Variants in CYP2C19 observed in about 807,000 individuals in gnomAD.
The protein encoded by CYP2C19 is cytochrome P450 2C19.
CYP2C19 carries 59 observed loss-of-function variants against 40.9 expected under a neutral mutation model. That is an observed-to-expected ratio of 1.44 (90% CI 1.17 to 1.79). The LOEUF is 1.79. CYP2C19 is among the 40% of genes most tolerant of loss of function. The probability of loss-of-function intolerance (pLI) is 0.00; values close to 1 mark genes in which losing one functional copy is unlikely to be tolerated. For synonymous variants in CYP2C19, 253 were observed against 208.7 expected, an observed-to-expected ratio of 1.21 and a Z score of -1.83; for missense variants, 754 against 596.9, an observed-to-expected ratio of 1.26 and a Z score of -2.74.
At position 94,803,181 on chromosome 10, in the gene CYP2C19, G is replaced by A. The variant is rs551711078; in HGVS notation, c.820-17315G>A. 4.6e-5 allele frequency among the ~76,000 whole-genome samples: 7 copies of A among 152,226 alleles called. No individual in the cohort carries two copies. The South Asian group carries it at 6.2e-4, about 14-fold the overall frequency. ...TGCTGGTTTCTTCTTATTTGGAGAGGCAACCCCTTCTGATTTTTGAATTTT... is the reference window on the plus strand; with the variant it reads ...TGCTGGTTTCTTCTTATTTGGAGAGACAACCCCTTCTGATTTTTGAATTTT... On this transcript the variant is annotated intron_variant, in intron 5 of 8. Coordinates refer to ENST00000371321, the MANE Select transcript of CYP2C19 (RefSeq NM_000769.4).
At chr10:94,778,115 T>C (rs1848434628) in intron 3 of CYP2C19, among the ~76,000 whole-genome samples, 1 of 152,138 alleles carries the variant, frequency 6.6e-6, no homozygotes. Flanking sequence ...GAGCTGCATG[T>C]TTTTATTCAG....
At chr10:94,769,056 T>C (rs1173154178) in intron 1 of CYP2C19, among the ~76,000 whole-genome samples, 1 of 152,150 alleles carries the variant, frequency 6.6e-6, no homozygotes, top group Non-Finnish European at 1.5e-5. Flanking sequence ...AGGGTGAGGA[T>C]AAGCCAGTAT....
At chr10:94,795,370 A>C (rs1848668691) in intron 5 of CYP2C19, among the ~76,000 whole-genome samples, 1 of 151,972 alleles carries the variant, frequency 6.6e-6, no homozygotes, top group Non-Finnish European at 1.5e-5. Context: ...TCCATGGTGT[A>C]TATGTGCCAC....
intron 6 of CYP2C19, among the ~76,000 whole-genome samples, chr10:94,831,199 G>A (rs1429058517): frequency 1.3e-5 from 2 of 151,724 alleles, no homozygotes; most frequent in East Asian, 3.9e-4. Flanking sequence ...TGTTGCAAAT[G>A]ACTGAATCTC....
chr10:94,833,359 A>T (rs1823865238), intron 6 of CYP2C19, among the ~76,000 whole-genome samples: 1 of 152,110 alleles, frequency 6.6e-6, no homozygotes, highest in African/African-American at 2.4e-5. Context: ...AAATGCTTTC[A>T]GTTTTCCCCA....
chr10:94,787,947 T>C (rs774421062), intron 5 of CYP2C19, among the ~76,000 whole-genome samples: 22 of 152,176 alleles, frequency 1.4e-4, no homozygotes, highest in Non-Finnish European at 2.9e-4. Context: ...AATCTGTAGA[T>C]AGCTTTGGGC....
intron 5 of CYP2C19, among the ~76,000 whole-genome samples, chr10:94,793,061 T>A (rs1266241569): frequency 6.6e-6 from 1 of 152,204 alleles, no homozygotes; most frequent in East Asian, 1.9e-4. Context: ...TTCTTTTTAC[T>A]CTTTTTTCTC....
intron 6 of CYP2C19, among the ~76,000 whole-genome samples, chr10:94,842,183 A>G (rs74964631): frequency 0.022 from 3,305 of 152,216 alleles, 117 homozygotes; most frequent in African/African-American, 0.074. Flanking sequence ...TTTTGGTTGC[A>G]TATATACTTA....
chr10:94,848,542 G>A lies in CYP2C19; in HGVS notation c.1150-1375G>A, dbSNP rs539876294. 3.9e-5 allele frequency among the ~76,000 whole-genome samples: 6 copies of A among 152,278 alleles called. No homozygotes were observed. The East Asian group carries it at 1.2e-3, about 29-fold the overall frequency. On this transcript the variant is annotated intron_variant, in intron 7 of 8. Coordinates refer to ENST00000371321, the MANE Select transcript of CYP2C19 (RefSeq NM_000769.4). Reference sequence around the variant, plus strand: ...CTCCAGCTTTGTTCTTTTGGCTTAGGATTGACTTGGCAATGCAGGCTCTTT... The same window carrying A: ...CTCCAGCTTTGTTCTTTTGGCTTAGAATTGACTTGGCAATGCAGGCTCTTT...
At chr10:94,793,798 T>G (rs2134247691) in intron 5 of CYP2C19, among the ~76,000 whole-genome samples, 1 of 152,288 alleles carries the variant, frequency 6.6e-6, no homozygotes, top group South Asian at 2.1e-4. Context: ...GTTAGGCTAC[T>G]CGGGAGCCAG....
intron 1 of CYP2C19, among the ~76,000 whole-genome samples, chr10:94,772,350 TA>T (rs1848344966): frequency 6.6e-6 from 1 of 152,016 alleles, no homozygotes; most frequent in South Asian, 2.1e-4. Context: ...CTAAAGAAGG[TA>T]ACAGAGTCCT....
At chr10:94,778,985 C>T (rs1190318409) in intron 3 of CYP2C19, among the ~76,000 whole-genome samples, 1 of 152,092 alleles carries the variant, frequency 6.6e-6, no homozygotes, top group African/African-American at 2.4e-5. Context: ...AAGCTGGAAA[C>T]CACCATCCTC....
rs1190975574 is a variant in CYP2C19 at position 94,855,092 on chromosome 10, C to T, written c.*2178C>T. On this transcript the variant is annotated 3_prime_UTR_variant, in exon 9 of 9. Coordinates refer to ENST00000371321, the MANE Select transcript of CYP2C19 (RefSeq NM_000769.4). ...CCTAAAGGCTGCCTGCATTCCTTGG[C>T]TCATGAACTCCTTTTTCTTTCACTC... 6.6e-6 allele frequency among the ~76,000 whole-genome samples: 1 copy of T among 152,158 alleles called. No homozygotes were observed. Among genetic ancestry groups the T allele is most frequent in the East Asian group, 1.9e-4 (1 of 5,194 alleles).
chr10:94,770,671 G>A (rs995495183), intron 1 of CYP2C19, among the ~76,000 whole-genome samples: 2 of 152,156 alleles, frequency 1.3e-5, no homozygotes, highest in Non-Finnish European at 2.9e-5. Flanking sequence ...TGACAGGGGA[G>A]TATATTTTCT....
rs774515573 is a variant in CYP2C19 at position 94,852,791 on chromosome 10, C to G, written c.1350C>G (p.Thr450=). The change falls in exon 9 of 9, where the codon ACC becomes ACG. Residue 450 remains threonine (T), a synonymous_variant. Coordinates refer to ENST00000371321, the MANE Select transcript of CYP2C19 (RefSeq NM_000769.4). The part of the protein sequence containing the change: ...LARMELFLFL[T]FILQNFNLKS... ...GCATGGAGCTGTTTTTATTCCTGAC[C>G]TTCATTTTACAGAACTTTAACCTGA... 11 of 1,614,054 alleles carry G rather than the reference C, an allele frequency of 6.8e-6. No individual in the cohort carries two copies. The highest frequency in any genetic ancestry group is 9.3e-6 in the Non-Finnish European group (11 of 1,179,964).
chr10:94,847,763 C>G (rs1372034137), intron 7 of CYP2C19, among the ~76,000 whole-genome samples: 1 of 152,044 alleles, frequency 6.6e-6, no homozygotes, highest in African/African-American at 2.4e-5. Flanking sequence ...TTTTAATGAT[C>G]GCCATTCTAA....
In CYP2C19 at chr10:94,780,500, T is replaced by C; in HGVS notation, c.483T>C (p.Ala161=). 6.2e-7 allele frequency: 1 copy of C among 1,613,320 alleles called. No homozygotes were observed. Among genetic ancestry groups the C allele is most frequent in the Non-Finnish European group, 8.5e-7 (1 of 1,179,890 alleles). ...TTAAAATTGTTTCCAATCATTTAGC[T>C]TCACCCTGTGATCCCACTTTCATCC... ...CLVEELRKTK[A]SPCDPTFILG... The change falls in exon 4 of 9, where the codon GCT becomes GCC. Residue 161 remains alanine (A), a splice_region_variant and synonymous_variant. Coordinates refer to ENST00000371321, the MANE Select transcript of CYP2C19 (RefSeq NM_000769.4).
Position 94,840,300 on chromosome 10 carries a change from GTC to G in CYP2C19, c.962-2525_962-2524del, listed in dbSNP as rs576486204. Among the ~76,000 whole-genome samples the G allele has an allele frequency of 3.3e-3, 461 of 140,302 alleles. 2 individuals are homozygous for G. The highest frequency in any genetic ancestry group is 0.012 in the African/African-American group (438 of 37,304). The allele number at this position is 140,302 out of a possible 152,430, so 92.0% of individuals were successfully genotyped here. ...TGACTCCCTCTTTGTCTCTCTCTCTGTCTCTCTCTCTCTTAGCCATTACAAAC... is the reference window on the plus strand; with the variant it reads ...TGACTCCCTCTTTGTCTCTCTCTCTGTCTCTCTCTCTTAGCCATTACAAAC... On this transcript the variant is annotated intron_variant, in intron 6 of 8. Transcript: ENST00000371321.
chr10:94,775,384 T>G lies in CYP2C19; in HGVS notation c.332-6T>G, dbSNP rs776842113. On this transcript the variant is annotated splice_region_variant and splice_polypyrimidine_tract_variant and intron_variant, in intron 2 of 8. Transcript: ENST00000371321. ...TCCCTCCTAGTTTCGTTTCTCTTCC[T>G]GTTAGGAATCGTTTTCAGCAATGGA... is the stretch of plus-strand genomic sequence containing the variant. 2 of 1,613,896 alleles carry G rather than the reference T, an allele frequency of 1.2e-6. No individual in the cohort carries two copies. Among genetic ancestry groups the G allele is most frequent in the Non-Finnish European group, 1.7e-6 (2 of 1,180,010 alleles).
Sources: gnomAD v4.1 joint callset for allele counts (sites outside exome capture counted in the v4.1 genomes callset) on GRCh38, gnomAD v4.1.1 for gene constraint, MANE v1.5 for transcripts, NCBI Gene and HGNC (gene_info 2026-07-23, HGNC 2026-07-21) for gene names.